GRIK2: variants seen among roughly 807,000 people sequenced by gnomAD.
GRIK2 encodes glutamate receptor ionotropic, kainate 2.
In GRIK2, 32 loss-of-function variants were observed where a neutral mutation model predicts 100.3. The observed-to-expected ratio is 0.32, with a 90% CI of 0.24 to 0.43. The LOEUF (loss-of-function observed/expected upper bound fraction) is 0.43, where lower values mean the gene tolerates loss of function less well. Ranked by LOEUF, GRIK2 falls within the 20% of genes least tolerant of loss-of-function variation. The probability of loss-of-function intolerance (pLI) is 1.00; values close to 1 mark genes in which losing one functional copy is unlikely to be tolerated. For synonymous variants in GRIK2, 417 were observed against 389.4 expected, an observed-to-expected ratio of 1.07 and a Z score of -0.83; for missense variants, 843 against 1,114.9, an observed-to-expected ratio of 0.76 and a Z score of 3.47.
At chr6:102,010,502 G>C (rs1387110666) in intron 14 of GRIK2, among the ~76,000 whole-genome samples, 1 of 152,116 alleles carries the variant, frequency 6.6e-6, no homozygotes, top group East Asian at 1.9e-4. Flanking sequence ...TTCTGCCTCA[G>C]CCTCCCCAGT....
At chr6:102,066,051 T>C in intron 16 of GRIK2, 1 of 435,886 alleles carries the variant, frequency 2.3e-6, no homozygotes, top group Non-Finnish European at 3.9e-6. Context: ...TAATACATAA[T>C]GCATGGCAAT....
intron 11 of GRIK2, among the ~76,000 whole-genome samples, chr6:101,874,912 G>A (rs936329242): frequency 6.6e-6 from 1 of 152,036 alleles, no homozygotes; most frequent in East Asian, 1.9e-4. Context: ...TGTTATTGGT[G>A]TATAAGAATG....
intron 10 of GRIK2, among the ~76,000 whole-genome samples, chr6:101,836,021 A>G (rs970233156): frequency 1.3e-5 from 2 of 150,714 alleles, no homozygotes; most frequent in African/African-American, 4.9e-5. Flanking sequence ...CAAATTTAAG[A>G]CCTTATATGC....
In GRIK2 at chr6:101,495,899, G is replaced by C. The variant is rs549315168; in HGVS notation, c.115+96507G>C. Among the ~76,000 whole-genome samples, 14 of 151,770 alleles carry C rather than the reference G, an allele frequency of 9.2e-5. No homozygotes were observed. In the South Asian group the frequency reaches 1.3e-3, roughly 14 times the overall value. ...ATATACTGACTACAAAAGCACATAA[G>C]AGGAGAAAGGAAGGATGTGTGCTGG... On this transcript the variant is annotated intron_variant, in intron 2 of 16. Transcript: ENST00000369134.
At chr6:102,067,364 T>C (rs1772069499) in intron 16 of GRIK2, among the ~76,000 whole-genome samples, 1 of 151,776 alleles carries the variant, frequency 6.6e-6, no homozygotes, top group South Asian at 2.1e-4. Context: ...TGCCTAACTG[T>C]AAATATGTAT....
chr6:101,597,220 T>G (rs999813048), intron 2 of GRIK2, among the ~76,000 whole-genome samples: 3 of 150,986 alleles, frequency 2.0e-5, no homozygotes, highest in African/African-American at 7.3e-5. Flanking sequence ...ACAGTAGACA[T>G]TAATAGAGGG....
chr6:101,419,403 C>T (rs552077023), intron 2 of GRIK2, among the ~76,000 whole-genome samples: 2 of 152,126 alleles, frequency 1.3e-5, no homozygotes, highest in East Asian at 1.9e-4. Flanking sequence ...CTCTTGGGAA[C>T]ATACAAAGGT....
intron 2 of GRIK2, among the ~76,000 whole-genome samples, chr6:101,463,726 C>T (rs955387166): frequency 1.3e-5 from 2 of 151,956 alleles, no homozygotes; most frequent in Non-Finnish European, 2.9e-5. Flanking sequence ...ATCTATCACA[C>T]AGGTAGAATC....
chr6:101,918,092 A>G (rs1044850183), intron 12 of GRIK2, among the ~76,000 whole-genome samples: 4 of 151,680 alleles, frequency 2.6e-5, no homozygotes, highest in Non-Finnish European at 5.9e-5. Flanking sequence ...AAGTAGAACA[A>G]AAAAACCAGA....
intron 4 of GRIK2, among the ~76,000 whole-genome samples, chr6:101,655,885 TGCATCAGCTTATTGTTTG>T (rs1422489288): frequency 1.3e-5 from 2 of 152,192 alleles, no homozygotes; most frequent in Non-Finnish European, 2.9e-5. Context: ...GGCTGTGGTA[TGCATCAGCTTATTGTTTG>T]GGAAGAGCTT....
chr6:102,020,753 A>T (rs373599712), intron 14 of GRIK2, among the ~76,000 whole-genome samples: 2 of 151,888 alleles, frequency 1.3e-5, no homozygotes, highest in Non-Finnish European at 2.9e-5. Context: ...CAAAAATAGT[A>T]TATAACTTAT....
chr6:101,572,850 A>G (rs1017415478), intron 2 of GRIK2, among the ~76,000 whole-genome samples: 1 of 88,924 alleles, frequency 1.1e-5, no homozygotes, highest in African/African-American at 5.3e-5. Context: ...TTATTTATTT[A>G]TTTATTTTCT....
Position 101,856,863 on chromosome 6 carries a change from A to G in GRIK2, c.1318-2424A>G, listed in dbSNP as rs1427636660. ...GGAAATAATTTGGTAATGAGTAAAT[A>G]AAAGAATTAAGAGATCAGCTGTATT... On this transcript the variant is annotated intron_variant, in intron 10 of 16. Coordinates refer to ENST00000369134, the MANE Select transcript of GRIK2 (RefSeq NM_021956.5). Among the ~76,000 whole-genome samples, 8 of 152,230 alleles carry G rather than the reference A, an allele frequency of 5.3e-5. No individual in the cohort carries two copies. The East Asian group carries it at 1.5e-3, about 29-fold the overall frequency.
At chr6:101,543,717 G>A (rs1776108854) in intron 2 of GRIK2, among the ~76,000 whole-genome samples, 3 of 152,186 alleles carry the variant, frequency 2.0e-5, no homozygotes, top group African/African-American at 7.2e-5. Context: ...TGTAACATGG[G>A]GATAATAGTT....
At chr6:102,047,603 G>T (rs888636364) in intron 15 of GRIK2, among the ~76,000 whole-genome samples, 1 of 151,742 alleles carries the variant, frequency 6.6e-6, no homozygotes, top group African/African-American at 2.4e-5. Flanking sequence ...CAAAAAATTA[G>T]CTGGGCATGG....
At chr6:101,404,721 G>A (rs1367680131) in intron 2 of GRIK2, among the ~76,000 whole-genome samples, 3 of 152,224 alleles carry the variant, frequency 2.0e-5, no homozygotes, top group East Asian at 3.9e-4. Context: ...TTTTTCATTT[G>A]GGTAGTGAAG....
At chr6:101,449,825 A>G (rs1218706835) in intron 2 of GRIK2, among the ~76,000 whole-genome samples, 1 of 151,698 alleles carries the variant, frequency 6.6e-6, no homozygotes, top group African/African-American at 2.4e-5. Flanking sequence ...TAATATTTTG[A>G]CACACAAAGG....
intron 14 of GRIK2, among the ~76,000 whole-genome samples, chr6:101,967,301 A>G (rs1252560147): frequency 6.6e-6 from 1 of 151,986 alleles, no homozygotes; most frequent in East Asian, 1.9e-4. Flanking sequence ...TTTCTTCTTT[A>G]AATCATTATT....
At chr6:101,592,938 T>A (rs634166) in intron 2 of GRIK2, among the ~76,000 whole-genome samples, 57,601 of 151,442 alleles carry the variant, frequency 0.38, 11,933 homozygotes, top group African/African-American at 0.55. Flanking sequence ...ATGAGCCACA[T>A]TAATTATTTG....
Sources: gnomAD v4.1 joint callset for allele counts (sites outside exome capture counted in the v4.1 genomes callset) on GRCh38, gnomAD v4.1.1 for gene constraint, MANE v1.5 for transcripts, NCBI Gene and HGNC (gene_info 2026-07-23, HGNC 2026-07-21) for gene names.